Variants in PRKD1 observed in about 807,000 individuals in gnomAD.
PRKD1 encodes the protein protein kinase D1, also known as serine/threonine-protein kinase D1.
Under a neutral mutation model 95.9 loss-of-function variants are expected in PRKD1, and 63 were observed. The ratio of observed to expected loss-of-function variants is 0.66; its 90% CI spans 0.54 to 0.81. The LOEUF is 0.81. Ranked by LOEUF, PRKD1 falls within the 30% of genes least tolerant of loss-of-function variation. The pLI is 0.00. For synonymous variants in PRKD1, 425 were observed against 423.1 expected (o/e 1.00, Z -0.05); for missense variants, 1,048 against 1,165.3 (o/e 0.90, Z 1.47).
intron 13 of PRKD1, among the ~76,000 whole-genome samples, chr14:29,609,988 C>T (rs890701161): frequency 6.6e-6 from 1 of 152,122 alleles, no homozygotes; most frequent in African/African-American, 2.4e-5. Context: ...GTAATGAGTC[C>T]TCTCTTTTCC....
At chr14:29,682,367 T>C (rs1233987079) in intron 2 of PRKD1, among the ~76,000 whole-genome samples, 1 of 152,204 alleles carries the variant, frequency 6.6e-6, no homozygotes, top group African/African-American at 2.4e-5. Flanking sequence ...GATCAAAGAC[T>C]TTATCTAAAG....
At chr14:29,849,120 T>G (rs1331992494) in intron 1 of PRKD1, among the ~76,000 whole-genome samples, 1 of 152,214 alleles carries the variant, frequency 6.6e-6, no homozygotes, top group African/African-American at 2.4e-5. Flanking sequence ...TGGGGCCTGG[T>G]GGGAAGTGAT....
chr14:29,745,053 TG>T (rs1233755760), intron 1 of PRKD1, among the ~76,000 whole-genome samples: 57 of 152,318 alleles, frequency 3.7e-4, no homozygotes, highest in African/African-American at 1.3e-3. Context: ...TTTGTGCTTG[TG>T]GCTCCTCCAC....
intron 2 of PRKD1, among the ~76,000 whole-genome samples, chr14:29,700,124 C>A (rs2139323205): frequency 6.6e-6 from 1 of 151,030 alleles, no homozygotes; most frequent in East Asian, 1.9e-4. Context: ...TATTTTAAAG[C>A]AAATTCCAGA....
intron 1 of PRKD1, among the ~76,000 whole-genome samples, chr14:29,767,512 A>G (rs1227182718): frequency 1.3e-5 from 2 of 152,046 alleles, no homozygotes; most frequent in Non-Finnish European, 2.9e-5. Flanking sequence ...ATAGGGTCCT[A>G]TTTTCTTATT....
chr14:29,731,486 G>A (rs1419791495), intron 1 of PRKD1, among the ~76,000 whole-genome samples: 1 of 152,078 alleles, frequency 6.6e-6, no homozygotes, highest in African/African-American at 2.4e-5. Context: ...TTTTCTATTT[G>A]CTTAATAATT....
chr14:29,781,071 T>C (rs550753711), intron 1 of PRKD1, among the ~76,000 whole-genome samples: 27 of 138,300 alleles, frequency 2.0e-4, no homozygotes, highest in African/African-American at 6.6e-4. Context: ...TTCTCACTCA[T>C]AGGTGGGAAT....
At chr14:29,912,306 C>CAA (rs144375276) in intron 1 of PRKD1, among the ~76,000 whole-genome samples, 1 of 148,634 alleles carries the variant, frequency 6.7e-6, no homozygotes, top group Admixed American at 6.7e-5. Flanking sequence ...TTGTAATTTT[C>CAA]AAAAAAAAAC....
intron 2 of PRKD1, among the ~76,000 whole-genome samples, chr14:29,698,466 A>G (rs1884652946): frequency 6.6e-6 from 1 of 152,134 alleles, no homozygotes; most frequent in African/African-American, 2.4e-5. Context: ...GTAGATACAG[A>G]TTGGCCTTCT....
intron 4 of PRKD1, among the ~76,000 whole-genome samples, chr14:29,661,029 T>G (rs1882157848): frequency 6.6e-6 from 1 of 152,194 alleles, no homozygotes; most frequent in Non-Finnish European, 1.5e-5. Context: ...CTGCCAAAGT[T>G]GATGACAGTT....
At chr14:29,905,355 T>C (rs1337025814) in intron 1 of PRKD1, among the ~76,000 whole-genome samples, 1 of 152,194 alleles carries the variant, frequency 6.6e-6, no homozygotes, top group Non-Finnish European at 1.5e-5. Context: ...TCAAGGAATG[T>C]GGGTGTCCTA....
At chr14:29,766,536 C>G (rs1254795251) in intron 1 of PRKD1, among the ~76,000 whole-genome samples, 3 of 152,156 alleles carry the variant, frequency 2.0e-5, no homozygotes, top group Non-Finnish European at 4.4e-5. Context: ...CTAAACAGTG[C>G]TGATAATATG....
At chr14:29,675,453 T>C (rs1303581580) in intron 2 of PRKD1, among the ~76,000 whole-genome samples, 1 of 152,208 alleles carries the variant, frequency 6.6e-6, no homozygotes, top group African/African-American at 2.4e-5. Context: ...CTGTCCCTTA[T>C]CTAATGTATC....
At chr14:29,782,896 T>C (rs1041022315) in intron 1 of PRKD1, among the ~76,000 whole-genome samples, 2 of 152,180 alleles carry the variant, frequency 1.3e-5, no homozygotes, top group East Asian at 1.9e-4. Context: ...GTTTTTAAAA[T>C]TGATATGTAA....
chr14:29,726,131 TAA>T (rs1441900890), intron 1 of PRKD1, among the ~76,000 whole-genome samples: 1 of 152,004 alleles, frequency 6.6e-6, no homozygotes, highest in Non-Finnish European at 1.5e-5. Context: ...TATTCAAAAA[TAA>T]GAGATGCCTC....
intron 1 of PRKD1, among the ~76,000 whole-genome samples, chr14:29,898,674 C>T (rs1894215235): frequency 6.6e-6 from 1 of 152,168 alleles, no homozygotes; most frequent in South Asian, 2.1e-4. Context: ...GCCACTGTTA[C>T]TGCTGTTCTT....
At chr14:29,839,824 C>T (rs1420792715) in intron 1 of PRKD1, among the ~76,000 whole-genome samples, 3 of 152,032 alleles carry the variant, frequency 2.0e-5, no homozygotes, top group Non-Finnish European at 4.4e-5. Flanking sequence ...TATGTTGGCC[C>T]CTTTCAGACA....
At chr14:29,658,251 G>A (rs1400872186) in intron 4 of PRKD1, among the ~76,000 whole-genome samples, 1 of 152,148 alleles carries the variant, frequency 6.6e-6, no homozygotes, top group Non-Finnish European at 1.5e-5. Context: ...GATGGTCTAT[G>A]CAACGTGCAT....
At chr14:29,926,207 A>G (rs914382516) in intron 1 of PRKD1, among the ~76,000 whole-genome samples, 2 of 152,208 alleles carry the variant, frequency 1.3e-5, no homozygotes, top group African/African-American at 4.8e-5. Flanking sequence ...AATTTAAAGA[A>G]AGCAATTCAT....
Sources: gnomAD v4.1 joint callset for allele counts (sites outside exome capture counted in the v4.1 genomes callset) on GRCh38, gnomAD v4.1.1 for gene constraint, MANE v1.5 for transcripts, NCBI Gene and HGNC (gene_info 2026-07-23, HGNC 2026-07-21) for gene names.